The following HYDIN variants were observed in gnomAD, a reference collection of about 807,000 sequenced individuals.
The protein encoded by HYDIN is HYDIN axonemal central pair apparatus protein, also known as axonemal central pair apparatus protein HYDIN.
A neutral mutation model predicts 403.9 loss-of-function variants in HYDIN; 132 were observed. The ratio of observed to expected loss-of-function variants is 0.33; its 90% CI spans 0.28 to 0.38. HYDIN has a LOEUF of 0.38. Among genes scored for constraint, HYDIN ranks in the 10% least tolerant of loss-of-function variants. The pLI is 1.00. For synonymous variants in HYDIN, 1,202 were observed against 1,891.7 expected, an observed-to-expected ratio of 0.64 and a Z score of 9.46; for missense variants, 2,827 against 5,009.5, an observed-to-expected ratio of 0.56 and a Z score of 13.15.
intron 1 of HYDIN, among the ~76,000 whole-genome samples, chr16:71,207,624 T>A (rs1420515233): frequency 6.6e-6 from 1 of 152,014 alleles, no homozygotes; most frequent in Non-Finnish European, 1.5e-5. Flanking sequence ...AGGCACAGAG[T>A]GGCAAGCTGA....
rs775651465 is a variant in HYDIN, at chr16:70,818,562, C to T, written c.14438G>A (p.Arg4813Gln). Residue 4813 changes from arginine (R) to glutamine (Q), a missense_variant, in exon 84 of 86, where the codon CGA (arginine) becomes CAA (glutamine). Physicochemically the swap from Arg to Gln is conservative, Grantham distance 43 (BLOSUM62 1). Coordinates refer to ENST00000393567, the MANE Select transcript of HYDIN (RefSeq NM_001270974.2). ...EGTYAAKVIF[R>Q]NEVTNEFLYY... ...CAAGAACTCATTTGTCACCTCGTTT[C>T]GGAAGATCACCTGCATTCACGGGGA... The T allele has an allele frequency of 2.3e-5, 25 of 1,080,864 alleles. No individual in the cohort carries two copies. The East Asian group carries it at 2.6e-4, about 11-fold the overall frequency. 67.0% of individuals were successfully genotyped at this position (1,080,864 alleles called of 1,614,324 possible).
intron 18 of HYDIN, among the ~76,000 whole-genome samples, chr16:71,053,131 A>G (rs977789938): frequency 3.3e-5 from 5 of 152,062 alleles, no homozygotes; most frequent in African/African-American, 7.2e-5. Context: ...TTAAAACTAC[A>G]TAAGATATCA....
chr16:70,892,066 C>T (rs1349658209), intron 56 of HYDIN, among the ~76,000 whole-genome samples, 182 bp from the exon 57 acceptor site: 2 of 152,138 alleles, frequency 1.3e-5, no homozygotes, highest in African/African-American at 2.4e-5. Context: ...TCAACTTAGC[C>T]AACTTTTCCT....
rs3051996 is a variant in HYDIN, at chr16:71,116,230, C to CTTT, written c.1228-438_1228-436dup. Reference sequence around the variant, plus strand: ...ACCAAACTGTTTCTATGAGTTAGACCTTTTTTTTTTTTTTTTTTTTTTAAG... The same window carrying CTTT: ...ACCAAACTGTTTCTATGAGTTAGACCTTTTTTTTTTTTTTTTTTTTTTTTTAAG... On this transcript the variant is annotated intron_variant, in intron 9 of 85. Transcript: ENST00000393567. 2.6e-4 allele frequency among the ~76,000 whole-genome samples: 25 copies of CTTT among 97,826 alleles called. 1 individual carries two copies. Among genetic ancestry groups the CTTT allele is most frequent in the African/African-American group, 7.8e-4 (19 of 24,442 alleles). 64.2% of individuals were successfully genotyped at this position (97,826 alleles called of 152,430 possible).
chr16:70,886,028 T>A (rs2041111819), intron 58 of HYDIN, among the ~76,000 whole-genome samples: 1 of 145,658 alleles, frequency 6.9e-6, no homozygotes, highest in Non-Finnish European at 1.5e-5. Flanking sequence ...CAATAAACTA[T>A]TAAACCAACA....
intron 10 of HYDIN, among the ~76,000 whole-genome samples, chr16:71,108,172 G>A (rs2083686639): frequency 6.6e-6 from 1 of 152,300 alleles, no homozygotes; most frequent in Admixed American, 6.5e-5. Context: ...CTAGTGGAGG[G>A]CGGAGGGTGA....
chr16:70,953,416 C>G (rs929662092), intron 40 of HYDIN, among the ~76,000 whole-genome samples: 6 of 152,028 alleles, frequency 3.9e-5, no homozygotes, highest in African/African-American at 1.4e-4. Context: ...ATTAGGCCAG[C>G]AGGAAGGCTC....
rs1280905387 is a variant in HYDIN, at chr16:71,064,721, T to C, written c.2195A>G (p.Tyr732Cys). Residue 732 changes from tyrosine to cysteine, a missense_variant, in exon 16 of 86, where the codon TAT (tyrosine) becomes TGT (cysteine). Tyr to Cys is a radical substitution (Grantham distance 194). Transcript: ENST00000393567. ...LANQDDLPGF[Y>C]EVQPQVCEEV... The stretch of plus-strand genomic sequence containing the variant: ...GGAACTCACCTGAGGCTGGACCTCA[T>C]AGAATCCTGGGAGGTCATCTTGATT... The C allele has an allele frequency of 6.2e-7, 1 of 1,613,866 alleles. No homozygotes were observed. The highest frequency in any genetic ancestry group is 8.5e-7 in the Non-Finnish European group (1 of 1,179,980).
chr16:71,186,980 T>C lies in HYDIN; in HGVS notation c.-23-62A>G, dbSNP rs540963724. On this transcript the variant is annotated intron_variant, in intron 1 of 85. Transcript: ENST00000393567. ...GTTAATTCCTGAATACAGGTCATAA[T>C]TTTTTTTAAGCTTTTTCAAATACAG... The C allele has an allele frequency of 4.7e-5, 51 of 1,090,470 alleles. No homozygotes were observed. In the African/African-American group the frequency reaches 7.9e-4, roughly 17 times the overall value. 67.5% of individuals were successfully genotyped at this position (1,090,470 alleles called of 1,614,324 possible). A position where few individuals can be genotyped will look rare whatever the true frequency, so the allele number is the denominator to read the frequency against.
chr16:70,870,531 G>C (rs2040031019), intron 65 of HYDIN, among the ~76,000 whole-genome samples: 1 of 149,934 alleles, frequency 6.7e-6, no homozygotes, highest in African/African-American at 2.4e-5. Context: ...GCTGCAGAGG[G>C]TGCAAGCCCC....
intron 43 of HYDIN, among the ~76,000 whole-genome samples, chr16:70,939,092 A>G (rs1370394002): frequency 2.0e-5 from 3 of 152,176 alleles, no homozygotes; most frequent in African/African-American, 7.2e-5. Context: ...GTCTAATTAT[A>G]AGGGTCCTTT....
rs74025798 is a variant in HYDIN, at chr16:71,079,144, C to T, written c.1738+741G>A. On this transcript the variant is annotated intron_variant, in intron 13 of 85. Transcript: ENST00000393567. ...GTTAGGGCAGAAAACTTGACCAAGACATAGAAGCTACATGCTACCTATGAT... is the reference window on the plus strand; with the variant it reads ...GTTAGGGCAGAAAACTTGACCAAGATATAGAAGCTACATGCTACCTATGAT... Among the ~76,000 whole-genome samples the T allele has an allele frequency of 5.0e-3, 753 of 152,010 alleles. 3 individuals carry two copies. Among genetic ancestry groups the T allele is most frequent in the African/African-American group, 0.017 (717 of 41,442 alleles).
intron 1 of HYDIN, among the ~76,000 whole-genome samples, chr16:71,189,202 C>T (rs1317540148): frequency 2.0e-5 from 3 of 151,898 alleles, no homozygotes; most frequent in African/African-American, 4.8e-5. Context: ...AAATATGAAA[C>T]GATACATAAA....
At chr16:71,027,105 G>C in intron 20 of HYDIN, 1 of 1,028,366 alleles carries the variant, frequency 9.7e-7, no homozygotes, top group Non-Finnish European at 1.2e-6. Context: ...CAGGGAATCA[G>C]AGTTGCTGAA....
rs1372496485 is a variant in HYDIN at position 70,806,564 on chromosome 16, C to T, written c.*1016G>A. Among the ~76,000 whole-genome samples the T allele has an allele frequency of 6.6e-6, 1 of 152,170 alleles. No individual in the cohort carries two copies. The highest frequency in any genetic ancestry group is 6.5e-5 in the Admixed American group (1 of 15,278). ...AATAAATTCCCAGGTGATAGTACTG[C>T]TGCTGGCCCAGGGACCATTTTTAAG... On this transcript the variant is annotated 3_prime_UTR_variant, in exon 86 of 86. Transcript: ENST00000393567.
At chr16:71,157,198 T>A (rs946085208) in intron 6 of HYDIN, among the ~76,000 whole-genome samples, 4 of 151,538 alleles carry the variant, frequency 2.6e-5, no homozygotes, top group Non-Finnish European at 5.9e-5. Context: ...AGTTTTAGTT[T>A]TTGTGATTTA....
chr16:71,163,468 G>A (rs1381814441), intron 5 of HYDIN, among the ~76,000 whole-genome samples: 1 of 152,174 alleles, frequency 6.6e-6, no homozygotes, highest in Admixed American at 6.5e-5. Flanking sequence ...TCTTTGCAAT[G>A]TGACTTTGCA....
chr16:71,098,708 CATCT>C (rs1364778362), intron 10 of HYDIN, among the ~76,000 whole-genome samples: 6 of 147,262 alleles, frequency 4.1e-5, no homozygotes, highest in African/African-American at 1.5e-4. Flanking sequence ...AAACTTTCTC[CATCT>C]GTTACCTTGA....
At chr16:71,133,224 G>A (rs1159734065) in intron 8 of HYDIN, 1 of 453,782 alleles carries the variant, frequency 2.2e-6, no homozygotes, top group East Asian at 7.0e-5. Context: ...CCATGGTCTT[G>A]AGAGCTAGAG....
Sources: gnomAD v4.1 joint callset for allele counts (sites outside exome capture counted in the v4.1 genomes callset) on GRCh38, gnomAD v4.1.1 for gene constraint, MANE v1.5 for transcripts, NCBI Gene and HGNC (gene_info 2026-07-23, HGNC 2026-07-21) for gene names.